The following SHOX2 variants were observed in gnomAD, a reference collection of about 807,000 sequenced individuals.
SHOX2 encodes the protein short stature homeobox protein 2.
A neutral mutation model predicts 31.3 loss-of-function variants in SHOX2; 13 were observed. That is an observed-to-expected ratio of 0.42 (90% CI 0.27 to 0.66). The LOEUF (loss-of-function observed/expected upper bound fraction) is 0.66, where lower values mean the gene tolerates loss of function less well. Among genes scored for constraint, SHOX2 ranks in the 30% least tolerant of loss-of-function variants. The probability of loss-of-function intolerance (pLI) is 0.27; values close to 1 mark genes in which losing one functional copy is unlikely to be tolerated. For synonymous variants in SHOX2, 244 were observed against 196.2 expected (o/e 1.24, Z -2.04); for missense variants, 473 against 443.0 (o/e 1.07, Z -0.61).
chr3:158,106,100 T>A lies in SHOX2; in HGVS notation c.-76A>T. 6.3e-7 allele frequency: 1 copy of A among 1,589,294 alleles called. No individual in the cohort carries two copies. Among genetic ancestry groups the A allele is most frequent in the Non-Finnish European group, 8.6e-7 (1 of 1,167,972 alleles). On this transcript the variant is annotated 5_prime_UTR_variant, in exon 1 of 5. Transcript: ENST00000483851. ...CTTTTTTTCCTTCTTCTTTTTTTAC[T>A]GCTCCAGCCCCCCCAATAATAACAC...
intron 1 of SHOX2, chr3:158,103,117 G>A: frequency 1.7e-6 from 1 of 583,314 alleles, no homozygotes; most frequent in Non-Finnish European, 3.1e-6. Flanking sequence ...CTGGGGCAAG[G>A]TGGGCAGTCA....
chr3:158,097,749 A>C lies in SHOX2; in HGVS notation c.*278T>G. The C allele has an allele frequency of 2.1e-6, 1 of 482,582 alleles. No homozygotes were observed. The highest frequency in any genetic ancestry group is 3.7e-6 in the Non-Finnish European group (1 of 270,076). 29.9% of individuals were successfully genotyped at this position (482,582 alleles called of 1,614,324 possible). On this transcript the variant is annotated 3_prime_UTR_variant, in exon 5 of 5. Transcript: ENST00000483851. ...GCACTCCCCTGTCCAGTCTCTCTCC[A>C]GACTCCCCCAAACCCGCTCCTACAA...
At chr3:158,105,108 G>A (rs904808250) in intron 1 of SHOX2, 5 of 1,517,528 alleles carry the variant, frequency 3.3e-6, no homozygotes, top group Non-Finnish European at 4.4e-6. Flanking sequence ...CTGGACCTCA[G>A]CTTTCGTTGG....
At position 158,098,130 on chromosome 3, in the gene SHOX2, G is replaced by A; in HGVS notation, c.857C>T (p.Ser286Leu). The change falls in exon 5 of 5, where the codon TCG becomes TTG. Residue 286 changes from serine (S) to leucine (L), a missense_variant. Around this residue, in one of 3 missense-constraint regions of SHOX2, gnomAD observed 182 missense variants for 167.2 expected, o/e 1.09. Transcript: ENST00000483851. ...GGCGGCTGCTGCGGCCGCCACTACC[G>A]AGGCGGCGGAAGCCGAATCCGCGGC... ...TLAADSASAA[S>L]VVAAAAAAKT... 1 of 1,613,286 alleles carries A rather than the reference G, an allele frequency of 6.2e-7. No homozygotes were observed. Among genetic ancestry groups the A allele is most frequent in the Non-Finnish European group, 8.5e-7 (1 of 1,179,592 alleles).
At chr3:158,099,803 A>C in intron 4 of SHOX2, 57 bp downstream of exon 4, 1 of 1,282,600 alleles carries the variant, frequency 7.8e-7, no homozygotes, top group Non-Finnish European at 1.1e-6. Flanking sequence ...CAACAGTTCA[A>C]GCAAACATTC....
In SHOX2 at chr3:158,105,903, G is replaced by T. The variant is rs1221846506; in HGVS notation, c.122C>A (p.Thr41Asn). 1 of 1,590,962 alleles carries T rather than the reference G, an allele frequency of 6.3e-7. No homozygotes were observed. The highest frequency in any genetic ancestry group is 2.4e-5 in the East Asian group (1 of 41,112). Residue 41 changes from threonine (T) to asparagine (N), a missense_variant, in exon 1 of 5, where the codon ACC becomes AAC. Physicochemically the swap from Thr to Asn is moderately conservative, Grantham distance 65 (BLOSUM62 0). Coordinates refer to ENST00000483851, the MANE Select transcript of SHOX2 (RefSeq NM_001163678.2). ...GTCGCGGCCCGCCTCGGTGCAGCCG[G>T]TCGGCTCCTTGGCCCCGCGCAGCGG... ...SGPLRGAKEP[T>N]GCTEAGRDDR...
chr3:158,097,768 C>G lies in SHOX2; in HGVS notation c.*259G>C, dbSNP rs1324672771. 3 of 533,658 alleles carry G rather than the reference C, an allele frequency of 5.6e-6. No homozygotes were observed. The highest frequency in any genetic ancestry group is 1.9e-5 in the African/African-American group (1 of 52,214). 33.1% of individuals were successfully genotyped at this position (533,658 alleles called of 1,614,324 possible). The stretch of plus-strand genomic sequence containing the variant: ...CTCTCCAGACTCCCCCAAACCCGCT[C>G]CTACAAAACCCAATTCTAGGCCCTC... On this transcript the variant is annotated 3_prime_UTR_variant, in exon 5 of 5. Transcript: ENST00000483851.
rs1713891037 is a variant in SHOX2, at chr3:158,105,881, G to T, written c.144C>A (p.Arg48=). The T allele has an allele frequency of 6.5e-7, 1 of 1,541,468 alleles. No homozygotes were observed. The highest frequency in any genetic ancestry group is 1.4e-5 in the African/African-American group (1 of 69,338). Residue 48 remains arginine (R), a synonymous_variant, in exon 1 of 5, where the codon CGC becomes CGA. Transcript: ENST00000483851. ...KEPTGCTEAG[R]DDRSSPAVRA... is the part of the protein sequence containing the mutation. ...GGACTGCCGGGCTGCTGCGGTCGTC[G>T]CGGCCCGCCTCGGTGCAGCCGGTCG...
At chr3:158,099,638 C>G (rs1182055616) in intron 4 of SHOX2, among the ~76,000 whole-genome samples, 2 of 152,268 alleles carry the variant, frequency 1.3e-5, no homozygotes, top group East Asian at 3.9e-4. Flanking sequence ...TGCCCCCAGG[C>G]CCCTTCAGGG....
intron 4 of SHOX2, 93 bp downstream of exon 4, chr3:158,099,767 A>T: frequency 1.1e-6 from 1 of 914,596 alleles, no homozygotes; most frequent in Non-Finnish European, 1.8e-6. Flanking sequence ...AGACATTGAC[A>T]TCTGGGCTCA....
intron 4 of SHOX2, 166 bp from the exon 5 acceptor site, chr3:158,098,450 G>A: frequency 2.5e-6 from 2 of 805,996 alleles, no homozygotes. Context: ...GACCTTCTCA[G>A]CCTGTTGCTG....
chr3:158,099,155 G>T (rs1008297966), intron 4 of SHOX2, among the ~76,000 whole-genome samples: 1 of 152,250 alleles, frequency 6.6e-6, no homozygotes, highest in African/African-American at 2.4e-5. Flanking sequence ...CCTGGCTGAG[G>T]ATAGGGAAGG....
At chr3:158,098,330 CA>C (rs1330130015) in intron 4 of SHOX2, 46 bp from the exon 5 acceptor site, 1 of 1,597,782 alleles carries the variant, frequency 6.3e-7, no homozygotes, top group East Asian at 2.2e-5. Context: ...CCTAGGGTGA[CA>C]ACAGAATAGA....
rs1229692077 is a variant in SHOX2 at position 158,102,732 on chromosome 3, G to A, written c.501C>T (p.Ala167=). ...GCTGGCTCAGTTCCTCTCGCATGAA[G>A]GCGTCGGGATAGTGGGTCTCGTCAA... The part of the protein sequence containing the change: ...RLFDETHYPD[A]FMREELSQRL... The change falls in exon 2 of 5, where the codon GCC becomes GCT. Residue 167 remains alanine (A), a synonymous_variant. Transcript: ENST00000483851. The A allele has an allele frequency of 6.2e-7, 1 of 1,614,112 alleles. No individual in the cohort carries two copies. Among genetic ancestry groups the A allele is most frequent in the South Asian group, 1.1e-5 (1 of 91,070 alleles).
rs955231740 is a variant in SHOX2, at chr3:158,096,057, A to G, written c.*1970T>C. On this transcript the variant is annotated 3_prime_UTR_variant, in exon 5 of 5. Transcript: ENST00000483851. ...TTCAATTGATCGCAAAGTGTCTTCAATTAATAACTTGGCACTTATTTAAAA... is the reference window on the plus strand; with the variant it reads ...TTCAATTGATCGCAAAGTGTCTTCAGTTAATAACTTGGCACTTATTTAAAA... 1 of 152,834 alleles carries G rather than the reference A, an allele frequency of 6.5e-6. No individual in the cohort carries two copies. The highest frequency in any genetic ancestry group is 1.5e-5 in the Non-Finnish European group (1 of 68,044). 9.5% of individuals were successfully genotyped at this position (152,834 alleles called of 1,614,324 possible). A position where few individuals can be genotyped will look rare whatever the true frequency, so the allele number is the denominator to read the frequency against.
At chr3:158,099,648 G>A (rs1713364894) in intron 4 of SHOX2, among the ~76,000 whole-genome samples, 1 of 152,022 alleles carries the variant, frequency 6.6e-6, no homozygotes, top group African/African-American at 2.4e-5. Flanking sequence ...CCCCTTCAGG[G>A]ATTCCCATGA....
chr3:158,102,374 G>T lies in SHOX2; in HGVS notation c.555+304C>A, dbSNP rs546065379. On this transcript the variant is annotated intron_variant, in intron 2 of 4. Coordinates refer to ENST00000483851, the MANE Select transcript of SHOX2 (RefSeq NM_001163678.2). ...AGCCTTATAAAAGTAGGCCCATTAG[G>T]ATTAAACCACATTAAAGCCAGTGCG... is the stretch of plus-strand genomic sequence containing the variant. 2.8e-4 allele frequency among the ~76,000 whole-genome samples: 43 copies of T among 151,706 alleles called. No homozygotes were observed. The South Asian group carries it at 8.7e-3, about 31-fold the overall frequency.
chr3:158,098,391 GT>G, intron 4 of SHOX2, 107 bp from the exon 5 acceptor site: 1 of 1,405,454 alleles, frequency 7.1e-7, no homozygotes, highest in Non-Finnish European at 9.8e-7. Flanking sequence ...GTTGGGTTGT[GT>G]TTGGGCACGG....
rs896075197 is a variant in SHOX2, at chr3:158,096,460, GAATA to G, written c.*1563_*1566del. 2 of 150,218 alleles carry G rather than the reference GAATA, an allele frequency of 1.3e-5. No homozygotes were observed. The highest frequency in any genetic ancestry group is 3.0e-5 in the Non-Finnish European group (2 of 67,594). The allele number at this position is 150,218 out of a possible 1,614,324, so 9.3% of individuals were successfully genotyped here. On this transcript the variant is annotated 3_prime_UTR_variant, in exon 5 of 5. Transcript: ENST00000483851. ...AACAAACAAAAAAAAAAGGTTACTT[GAATA>G]GATACACCTTTGTGAGATAAAATGC... is the stretch of plus-strand genomic sequence containing the variant.
Sources: gnomAD v4.1 joint callset for allele counts (sites outside exome capture counted in the v4.1 genomes callset) on GRCh38, gnomAD v4.1.1 for gene constraint, gnomAD v4.1.1 regional missense constraint, MANE v1.5 for transcripts, NCBI Gene and HGNC (gene_info 2026-07-23, HGNC 2026-07-21) for gene names.